The following CCDC7 variants were observed in gnomAD, a reference collection of about 807,000 sequenced individuals.
CCDC7 encodes coiled-coil domain containing 7.
Under a neutral mutation model 196.9 loss-of-function variants are expected in CCDC7, and 183 were observed. That is an observed-to-expected ratio of 0.93 (90% confidence interval 0.82 to 1.05). CCDC7 has a LOEUF of 1.05. CCDC7 is among the 50% of genes least tolerant of loss of function. The probability of loss-of-function intolerance (pLI) is 0.00; values close to 1 mark genes in which losing one functional copy is unlikely to be tolerated. For synonymous variants in CCDC7, 525 were observed against 484.6 expected (o/e 1.08, Z -1.10); for missense variants, 1,540 against 1,482.2 (o/e 1.04, Z -0.64).
chr10:32,553,305 G>A (rs772416128), intron 13 of CCDC7, among the ~76,000 whole-genome samples: 25 of 151,694 alleles, frequency 1.6e-4, no homozygotes, highest in Non-Finnish European at 3.2e-4. Flanking sequence ...CTATTTTCTT[G>A]AGTATTTCTC....
At chr10:32,752,106 T>C (rs2075754413) in intron 28 of CCDC7, among the ~76,000 whole-genome samples, 1 of 152,138 alleles carries the variant, frequency 6.6e-6, no homozygotes, top group Non-Finnish European at 1.5e-5. Flanking sequence ...AATATCCATA[T>C]TATTTTTGAT....
rs139582958 is a variant in CCDC7 at position 32,549,933 on chromosome 10, T to C, written c.1134+5632T>C. Among the ~76,000 whole-genome samples the C allele has an allele frequency of 4.9e-4, 74 of 152,300 alleles. No individual in the cohort carries two copies. In the East Asian group the frequency reaches 0.014, roughly 29 times the overall value. ...TTCCATATGAATTTTAGGATTGTTT[T>C]TTCTAGTTCTGTGAAGAATTATGGT... On this transcript the variant is annotated intron_variant, in intron 13 of 41. Transcript: ENST00000639629.
downstream of CCDC7, among the ~76,000 whole-genome samples, chr10:32,881,552 C>CA (rs1245718813): frequency 2.6e-5 from 4 of 152,092 alleles, no homozygotes; most frequent in East Asian, 5.8e-4. Flanking sequence ...AACTCCCACT[C>CA]AGAGTTTCAC....
chr10:32,626,701 T>G (rs940930179), intron 18 of CCDC7, among the ~76,000 whole-genome samples: 1 of 152,032 alleles, frequency 6.6e-6, no homozygotes, highest in African/African-American at 2.4e-5. Context: ...GGTATTACCT[T>G]TAGATTTTAA....
At chr10:32,681,450 C>T (rs1223486951) in intron 21 of CCDC7, among the ~76,000 whole-genome samples, 1 of 152,118 alleles carries the variant, frequency 6.6e-6, no homozygotes, top group Non-Finnish European at 1.5e-5. Context: ...CTGAACAATA[C>T]AGTCAAGCCC....
intron 21 of CCDC7, among the ~76,000 whole-genome samples, chr10:32,671,025 A>G (rs2073962754): frequency 6.6e-6 from 1 of 152,188 alleles, no homozygotes; most frequent in African/African-American, 2.4e-5. Flanking sequence ...AAAAACATTA[A>G]AAGTTTATTA....
rs1039446252 is a variant in CCDC7 at position 32,672,936 on chromosome 10, C to T, written c.2122+8775C>T. On this transcript the variant is annotated intron_variant, in intron 21 of 41. Coordinates refer to ENST00000639629, the Ensembl canonical transcript of CCDC7. ...CTCTGCCATCTTGGTGCTTTCCTAC[C>T]TTATTTATTTTTTAAACCACTTTAC... Among the ~76,000 whole-genome samples the T allele has an allele frequency of 7.9e-5, 12 of 152,190 alleles. No individual in the cohort carries two copies. The East Asian group carries it at 1.5e-3, about 20-fold the overall frequency.
chr10:32,751,598 A>G (rs1431972625), intron 28 of CCDC7, among the ~76,000 whole-genome samples: 1 of 152,154 alleles, frequency 6.6e-6, no homozygotes, highest in Admixed American at 6.6e-5. Context: ...AGGGCCATAT[A>G]TTGGCTTTCA....
chr10:32,666,085 T>C (rs1339453721), intron 21 of CCDC7, among the ~76,000 whole-genome samples: 1 of 151,338 alleles, frequency 6.6e-6, no homozygotes, highest in Admixed American at 6.6e-5. Context: ...TTTGGTCTAA[T>C]AGTTTTTTGG....
At chr10:32,699,205 T>C (rs1446181764) in intron 24 of CCDC7, among the ~76,000 whole-genome samples, 1,356 of 75,020 alleles carry the variant, frequency 0.018, 17 homozygotes, top group Middle Eastern at 0.038. Flanking sequence ...CCCTCCCCCC[T>C]CCCCCCACCC....
At chr10:32,489,135 G>A (rs1289409789) in intron 8 of CCDC7, among the ~76,000 whole-genome samples, 1 of 152,168 alleles carries the variant, frequency 6.6e-6, no homozygotes, top group East Asian at 1.9e-4. Flanking sequence ...AGTGACAGTG[G>A]TACTAATGTC....
chr10:32,515,944 G>A (rs1407157579), intron 9 of CCDC7, among the ~76,000 whole-genome samples: 1 of 152,074 alleles, frequency 6.6e-6, no homozygotes, highest in Non-Finnish European at 1.5e-5. Flanking sequence ...GTAAATCTTT[G>A]TGACATTGGG....
intron 29 of CCDC7, among the ~76,000 whole-genome samples, chr10:32,795,220 T>C (rs1046311294): frequency 6.6e-6 from 1 of 152,192 alleles, no homozygotes; most frequent in Non-Finnish European, 1.5e-5. Flanking sequence ...TTTGGTCTTT[T>C]GAGGTTTTTA....
At chr10:32,522,670 C>T (rs566291842) in intron 11 of CCDC7, among the ~76,000 whole-genome samples, 39 of 152,128 alleles carry the variant, frequency 2.6e-4, no homozygotes, top group Middle Eastern at 6.8e-3. Context: ...TCATTTATGT[C>T]TGCTCTGATC....
chr10:32,813,457 C>A (rs2087635385), intron 30 of CCDC7, among the ~76,000 whole-genome samples: 1 of 152,108 alleles, frequency 6.6e-6, no homozygotes, highest in Non-Finnish European at 1.5e-5. Flanking sequence ...CTCAGTTTTA[C>A]AAATATCTTG....
intron 11 of CCDC7, among the ~76,000 whole-genome samples, chr10:32,531,530 G>A (rs1342497355): frequency 6.6e-6 from 1 of 152,084 alleles, no homozygotes; most frequent in African/African-American, 2.4e-5. Context: ...TTTTTGCTGT[G>A]TCTCTGTCTG....
chr10:32,672,443 G>C (rs780213659), intron 21 of CCDC7, among the ~76,000 whole-genome samples: 1 of 152,122 alleles, frequency 6.6e-6, no homozygotes, highest in Non-Finnish European at 1.5e-5. Flanking sequence ...CAAAACCCAG[G>C]TCTGGAATGT....
chr10:32,725,474 C>A (rs2082987956), intron 25 of CCDC7: 2 of 460,880 alleles, frequency 4.3e-6, no homozygotes, highest in South Asian at 3.2e-5. Flanking sequence ...AGTTTTAGTT[C>A]CCACTTCTTA....
chr10:32,717,820 T>A (rs1199189702), intron 25 of CCDC7, among the ~76,000 whole-genome samples: 1 of 143,688 alleles, frequency 7.0e-6, no homozygotes, highest in Non-Finnish European at 1.5e-5. Flanking sequence ...TTCCCAAGAC[T>A]AAACCAGGAA....
Sources: gnomAD v4.1 joint callset for allele counts (sites outside exome capture counted in the v4.1 genomes callset) on GRCh38, gnomAD v4.1.1 for gene constraint, MANE v1.5 for transcripts, NCBI Gene and HGNC (gene_info 2026-07-23, HGNC 2026-07-21) for gene names.